Variants in SRGAP2 observed in about 807,000 individuals in gnomAD.
The protein encoded by SRGAP2 is SLIT-ROBO Rho GTPase activating protein 2.
A neutral mutation model predicts 57.2 loss-of-function variants in SRGAP2; 15 were observed. The observed-to-expected ratio is 0.26, with a 90% CI of 0.18 to 0.40. The LOEUF (loss-of-function observed/expected upper bound fraction) is 0.40. Ranked by LOEUF, SRGAP2 falls within the 10% of genes least tolerant of loss-of-function variation. SRGAP2 has a pLI of 1.00. For missense variants in SRGAP2, 520 were observed against 669.6 expected (o/e 0.78, Z 2.47); for synonymous variants, 249 against 248.0 (o/e 1.00, Z -0.04).
intron 4 of SRGAP2, among the ~76,000 whole-genome samples, chr1:206,355,634 CT>C (rs1279030205): frequency 6.6e-6 from 1 of 152,154 alleles, no homozygotes; most frequent in Non-Finnish European, 1.5e-5. Flanking sequence ...AGACAAGTTA[CT>C]TTTTGTCATC....
intron 2 of SRGAP2, among the ~76,000 whole-genome samples, chr1:206,244,645 C>T (rs1481885775): frequency 4.0e-5 from 6 of 151,066 alleles, no homozygotes; most frequent in Admixed American, 2.0e-4. Flanking sequence ...TACCTCCAAG[C>T]GAACTTTATG....
chr1:206,293,147 T>C (rs1444368040), intron 2 of SRGAP2, among the ~76,000 whole-genome samples: 2 of 152,184 alleles, frequency 1.3e-5, no homozygotes, highest in African/African-American at 4.8e-5. Flanking sequence ...GCCTCTGTCC[T>C]CTAAGAGAGT....
At chr1:206,332,426 C>T (rs1326863339) in intron 3 of SRGAP2, among the ~76,000 whole-genome samples, 6 of 150,328 alleles carry the variant, frequency 4.0e-5, no homozygotes, top group Non-Finnish European at 7.4e-5. Flanking sequence ...TTCCATTCTC[C>T]GCCTCACTTT....
chr1:206,274,670 A>C, intron 2 of SRGAP2, among the ~76,000 whole-genome samples: 3 of 151,820 alleles, frequency 2.0e-5, no homozygotes, highest in Admixed American at 2.0e-4. Flanking sequence ...GGTTAAAAAA[A>C]AATCTTGGTG....
At chr1:206,425,526 T>G (rs537957109) in intron 13 of SRGAP2, among the ~76,000 whole-genome samples, 6 of 152,244 alleles carry the variant, frequency 3.9e-5, no homozygotes, top group Middle Eastern at 3.4e-3. Flanking sequence ...CCTCACTTTT[T>G]TTTTGTTTTG....
At chr1:206,359,800 T>C (rs1329774561) in intron 4 of SRGAP2, among the ~76,000 whole-genome samples, 161 of 104,334 alleles carry the variant, frequency 1.5e-3, no homozygotes, top group African/African-American at 6.4e-3. Context: ...ATATTGCTCT[T>C]TTTTTTTTTT....
chr1:206,260,559 G>A (rs1335566574), intron 2 of SRGAP2, among the ~76,000 whole-genome samples: 4 of 151,996 alleles, frequency 2.6e-5, no homozygotes, highest in Non-Finnish European at 5.9e-5. Flanking sequence ...ACCCCTCCAC[G>A]TTCTTTTACA....
At chr1:206,402,629 T>C (rs1553356115) in intron 8 of SRGAP2, among the ~76,000 whole-genome samples, 1 of 152,074 alleles carries the variant, frequency 6.6e-6, no homozygotes, top group Non-Finnish European at 1.5e-5. Context: ...ACTTCCTGTG[T>C]GTTAACTCCA....
intron 2 of SRGAP2, among the ~76,000 whole-genome samples, chr1:206,253,650 G>A (rs1327407036): frequency 2.3e-5 from 3 of 132,944 alleles, no homozygotes; most frequent in African/African-American, 5.7e-5. Flanking sequence ...ATCTCGGCTC[G>A]CTGCAAGCTC....
At chr1:206,253,582 T>TTC (rs1377767970) in intron 2 of SRGAP2, among the ~76,000 whole-genome samples, 4 of 139,628 alleles carry the variant, frequency 2.9e-5, no homozygotes, top group Admixed American at 7.0e-5. Context: ...TCTTTTTTTT[T>TTC]TTTTTTTTTT....
At chr1:206,393,743 CG>C in intron 7 of SRGAP2, 70 bp downstream of exon 7, 1 of 536,182 alleles carries the variant, frequency 1.9e-6, no homozygotes, top group Non-Finnish European at 3.4e-6. Context: ...AGACATTCCC[CG>C]ATACTATTGT....
intron 15 of SRGAP2, 51 bp from the exon 16 acceptor site, chr1:206,437,913 T>G: frequency 1.3e-6 from 1 of 777,866 alleles, no homozygotes; most frequent in South Asian, 1.3e-5. Context: ...GTCCTGTGTG[T>G]TTTTGCCTCT....
At chr1:206,237,965 G>A (rs1317249659) in intron 2 of SRGAP2, among the ~76,000 whole-genome samples, 81 of 38,828 alleles carry the variant, frequency 2.1e-3, no homozygotes, top group Non-Finnish European at 3.1e-3. Flanking sequence ...CTTTTGGATG[G>A]CAGGGCCCTT....
At chr1:206,337,121 G>T (rs1483897932) in intron 3 of SRGAP2, among the ~76,000 whole-genome samples, 2 of 149,082 alleles carry the variant, frequency 1.3e-5, no homozygotes, top group African/African-American at 2.6e-5. Flanking sequence ...AGTATAAGTT[G>T]CTGAAGCATC....
chr1:206,439,492 A>G (rs1662073950), intron 16 of SRGAP2, among the ~76,000 whole-genome samples: 1 of 151,796 alleles, frequency 6.6e-6, no homozygotes, highest in African/African-American at 2.4e-5. Flanking sequence ...CCCACCGAGA[A>G]GTAGGCCCTT....
At position 206,450,938 on chromosome 1, in the gene SRGAP2, C is replaced by G. The variant is rs541908973; in HGVS notation, c.2179+473C>G. Among the ~76,000 whole-genome samples the G allele has an allele frequency of 6.5e-5, 8 of 122,148 alleles. No homozygotes were observed. The South Asian group carries it at 2.3e-3, about 35-fold the overall frequency. 80.1% of individuals were successfully genotyped at this position (122,148 alleles called of 152,430 possible). On this transcript the variant is annotated intron_variant, in intron 19 of 22. Transcript: ENST00000573034. ...ACCAGCCTAGGCAACACAGCCAGAC[C>G]CTGTCTCTTAAAAAAAAAAAAAAAA...
intron 21 of SRGAP2, chr1:206,456,177 C>G (rs1352678577): frequency 1.3e-5 from 2 of 152,188 alleles, no homozygotes; most frequent in African/African-American, 4.8e-5. Context: ...TTTCCCAGAT[C>G]TCTTGGCTTT....
In SRGAP2 at chr1:206,415,840, C is replaced by G. The variant is rs57110946; in HGVS notation, c.1357-49C>G. ...CCAGCTGAGCATCTGTGATTTTTTT[C>G]TTCTTCTTCAGGAGTCTGATTGCTC... On this transcript the variant is annotated intron_variant, in intron 10 of 22. Transcript: ENST00000573034. The G allele has an allele frequency of 1.2e-5, 9 of 742,644 alleles. No individual in the cohort carries two copies. The East Asian group carries it at 2.0e-4, about 17-fold the overall frequency. The allele number at this position is 742,644 out of a possible 1,614,324, so 46.0% of individuals were successfully genotyped here. A position where few individuals can be genotyped will look rare whatever the true frequency, so the allele number is the denominator to read the frequency against.
Position 206,434,342 on chromosome 1 carries a change from G to A in SRGAP2, c.1556-2623G>A, listed in dbSNP as rs17014878. On this transcript the variant is annotated intron_variant, in intron 14 of 22. Coordinates refer to ENST00000573034, the MANE Select transcript of SRGAP2 (RefSeq NM_015326.5). ...TTCATGAGGAAGGGAGCAAGATAAC[G>A]TGAACATGAGATGGCTGCTGTAGAA... 8.2e-3 allele frequency among the ~76,000 whole-genome samples: 1,254 copies of A among 152,280 alleles called. 20 individuals carry two copies. The highest frequency in any genetic ancestry group is 0.028 in the African/African-American group (1,183 of 41,558).
Sources: gnomAD v4.1 joint callset for allele counts (sites outside exome capture counted in the v4.1 genomes callset) on GRCh38, gnomAD v4.1.1 for gene constraint, MANE v1.5 for transcripts, NCBI Gene and HGNC (gene_info 2026-07-23, HGNC 2026-07-21) for gene names.